Variants in PACRG observed in about 807,000 individuals in gnomAD.
PACRG encodes the protein parkin coregulated gene protein.
A neutral mutation model predicts 29.7 loss-of-function variants in PACRG; 29 were observed. The ratio of observed to expected loss-of-function variants is 0.98; its 90% CI spans 0.73 to 1.33. The LOEUF (loss-of-function observed/expected upper bound fraction) is 1.33. Ranked by LOEUF, PACRG falls within the 40% of genes most tolerant of loss-of-function variation. The probability of loss-of-function intolerance (pLI) is 0.00; values close to 1 mark genes in which losing one functional copy is unlikely to be tolerated. For missense variants in PACRG, 279 were observed against 316.2 expected (o/e 0.88, Z 0.89); for synonymous variants, 116 against 118.7 (o/e 0.98, Z 0.15).
intron 1 of PACRG, among the ~76,000 whole-genome samples, chr6:162,800,967 C>T: frequency 6.6e-6 from 1 of 152,130 alleles, no homozygotes; most frequent in East Asian, 1.9e-4. Context: ...CCTGGCAGTT[C>T]CTCCACGTGC....
chr6:162,809,523 G>T (rs1192941337), intron 1 of PACRG, among the ~76,000 whole-genome samples: 1 of 152,116 alleles, frequency 6.6e-6, no homozygotes, highest in Non-Finnish European at 1.5e-5. Context: ...TATCTATATC[G>T]ATTTATGAAT....
upstream of PACRG, chr6:162,727,752 C>T: frequency 7.0e-7 from 1 of 1,432,482 alleles, no homozygotes; most frequent in Non-Finnish European, 9.6e-7. Context: ...CAGCGGCTCT[C>T]CTGGGTTAAA....
At chr6:163,192,652 AC>A (rs200513477) in intron 4 of PACRG, among the ~76,000 whole-genome samples, 1 of 135,320 alleles carries the variant, frequency 7.4e-6, no homozygotes, top group Non-Finnish European at 1.6e-5. Context: ...CATTTTAAAT[AC>A]TTTTTTTTAT....
intron 2 of PACRG, among the ~76,000 whole-genome samples, chr6:162,887,714 G>A (rs193186962): frequency 1.3e-5 from 2 of 151,982 alleles, no homozygotes; most frequent in Admixed American, 6.6e-5. Flanking sequence ...TTTTGACCTC[G>A]CCCTGCCTCC....
chr6:163,037,392 C>G (rs778281993), intron 2 of PACRG, among the ~76,000 whole-genome samples: 1 of 152,242 alleles, frequency 6.6e-6, no homozygotes, highest in Non-Finnish European at 1.5e-5. Flanking sequence ...TGGCCCTTGG[C>G]TGTGGGCCTC....
chr6:162,794,665 T>C (rs528233231), intron 1 of PACRG, among the ~76,000 whole-genome samples: 1 of 152,198 alleles, frequency 6.6e-6, no homozygotes, highest in Non-Finnish European at 1.5e-5. Flanking sequence ...GAATATGCAG[T>C]TGTCCCGCAC....
intron 4 of PACRG, among the ~76,000 whole-genome samples, chr6:163,203,032 T>C (rs1016973559): frequency 2.6e-5 from 4 of 152,164 alleles, no homozygotes; most frequent in African/African-American, 7.2e-5. Flanking sequence ...CCACAGCTGC[T>C]AGTCAGGGAA....
intron 2 of PACRG, among the ~76,000 whole-genome samples, chr6:162,975,168 C>T (rs1049687521): frequency 8.5e-5 from 13 of 152,136 alleles, no homozygotes; most frequent in African/African-American, 2.9e-4. Context: ...TCCATGTTGG[C>T]TGAGAGGCTG....
At chr6:162,895,919 T>C (rs980684949) in intron 2 of PACRG, among the ~76,000 whole-genome samples, 2 of 152,256 alleles carry the variant, frequency 1.3e-5, no homozygotes, top group Admixed American at 1.3e-4. Context: ...TAGTGTTTAC[T>C]GTGAAGATAG....
At chr6:163,101,000 ACTT>A in intron 4 of PACRG, 2 of 983,788 alleles carry the variant, frequency 2.0e-6, no homozygotes, top group Non-Finnish European at 2.4e-6. Context: ...AGATCAATTT[ACTT>A]TTTTTGCTCT....
At chr6:163,029,478 A>T (rs1263208554) in intron 2 of PACRG, among the ~76,000 whole-genome samples, 2 of 152,160 alleles carry the variant, frequency 1.3e-5, no homozygotes, top group Non-Finnish European at 2.9e-5. Flanking sequence ...GGCCTTACCC[A>T]GCACACTTCT....
At chr6:162,797,311 C>A (rs1192760923) in intron 1 of PACRG, among the ~76,000 whole-genome samples, 2 of 152,100 alleles carry the variant, frequency 1.3e-5, no homozygotes, top group African/African-American at 2.4e-5. Context: ...CAGAAAAAAA[C>A]CTATTTATCT....
At chr6:162,793,734 A>G (rs57111828) in intron 1 of PACRG, among the ~76,000 whole-genome samples, 33,152 of 152,180 alleles carry the variant, frequency 0.22, 4,396 homozygotes, top group African/African-American at 0.34. Flanking sequence ...CTCTTTAGCA[A>G]ATCTTACAGG....
intron 3 of PACRG, among the ~76,000 whole-genome samples, chr6:163,076,802 G>C (rs1402695785): frequency 6.6e-6 from 1 of 151,920 alleles, no homozygotes; most frequent in Non-Finnish European, 1.5e-5. Flanking sequence ...GATCTATAAA[G>C]CCTCTTCTGA....
chr6:163,069,828 C>A (rs189363787), intron 3 of PACRG, among the ~76,000 whole-genome samples: 2 of 152,094 alleles, frequency 1.3e-5, no homozygotes, highest in East Asian at 3.9e-4. Flanking sequence ...AAACACCAAC[C>A]AGATTTAAGC....
intron 2 of PACRG, among the ~76,000 whole-genome samples, chr6:162,984,456 A>G (rs1006525192): frequency 2.0e-5 from 3 of 152,008 alleles, no homozygotes; most frequent in Non-Finnish European, 2.9e-5. Flanking sequence ...TATTTTTACA[A>G]TTGCAAATTG....
At chr6:163,072,794 G>A (rs2128281069) in intron 3 of PACRG, among the ~76,000 whole-genome samples, 1 of 152,220 alleles carries the variant, frequency 6.6e-6, no homozygotes, top group South Asian at 2.1e-4. Flanking sequence ...AAAATCATTA[G>A]CATTTCCATA....
rs191948081 is a variant in PACRG at position 163,139,864 on chromosome 6, C to A, written c.613+50456C>A. Among the ~76,000 whole-genome samples, 240 of 152,302 alleles carry A rather than the reference C, an allele frequency of 1.6e-3. 1 individual carries two copies. The highest frequency in any genetic ancestry group is 3.4e-3 in the Middle Eastern group (1 of 294). On this transcript the variant is annotated intron_variant, in intron 4 of 4. Coordinates refer to ENST00000366888, the MANE Select transcript of PACRG (RefSeq NM_001080379.2). ...GTAGACTTTCTAGTCTAACTAGATG[C>A]GTTTGCTAAGGAGTCCCTCAACTGA...
chr6:163,175,843 G>T (rs1428267485), intron 4 of PACRG, among the ~76,000 whole-genome samples: 1 of 152,004 alleles, frequency 6.6e-6, no homozygotes, highest in Non-Finnish European at 1.5e-5. Context: ...CATAACCCAA[G>T]CTTTTGCCTC....
Sources: allele counts gnomAD v4.1 joint callset (sites outside exome capture counted in the v4.1 genomes callset), GRCh38; gene constraint gnomAD v4.1.1; transcripts MANE v1.5; gene names NCBI Gene and HGNC (gene_info 2026-07-23, HGNC 2026-07-21).